The following GRM7 variants were observed in gnomAD, a reference collection of about 807,000 sequenced individuals.
GRM7 encodes metabotropic glutamate receptor 7.
A neutral mutation model predicts 84.5 loss-of-function variants in GRM7; 35 were observed. The observed-to-expected ratio is 0.41, with a 90% CI of 0.32 to 0.55. The LOEUF is 0.55. GRM7 is among the 20% of genes least tolerant of loss of function. The pLI is 0.19. For synonymous variants in GRM7, 487 were observed against 455.1 expected (o/e 1.07, Z -0.89); for missense variants, 1,003 against 1,194.6 (o/e 0.84, Z 2.36).
intron 2 of GRM7, among the ~76,000 whole-genome samples, chr3:7,193,954 TA>T (rs1484287455): frequency 6.6e-6 from 1 of 152,054 alleles, no homozygotes; most frequent in Non-Finnish European, 1.5e-5. Context: ...ACTTCAAGAT[TA>T]AAAATTATAA....
intron 4 of GRM7, among the ~76,000 whole-genome samples, chr3:7,338,287 C>T (rs967526581): frequency 9.9e-5 from 15 of 151,708 alleles, no homozygotes; most frequent in African/African-American, 3.4e-4. Flanking sequence ...TAAGAGGGAG[C>T]TAAGTTATGA....
At chr3:7,623,854 T>C (rs1485527683) in intron 8 of GRM7, among the ~76,000 whole-genome samples, 3 of 152,178 alleles carry the variant, frequency 2.0e-5, no homozygotes, top group African/African-American at 7.2e-5. Flanking sequence ...CAGGAGTTTA[T>C]TCTACAGAGA....
intron 7 of GRM7, among the ~76,000 whole-genome samples, chr3:7,521,864 A>C (rs1000117269): frequency 1.3e-5 from 2 of 152,260 alleles, no homozygotes; most frequent in Admixed American, 1.3e-4. Context: ...ATGCAAAATC[A>C]TTTATGGCTC....
At chr3:7,382,013 A>G (rs1448730525) in intron 4 of GRM7, among the ~76,000 whole-genome samples, 3 of 152,176 alleles carry the variant, frequency 2.0e-5, no homozygotes, top group Non-Finnish European at 4.4e-5. Context: ...TCCATGACCC[A>G]AAATGAGTTA....
chr3:7,527,126 A>C (rs1321663016), intron 7 of GRM7, among the ~76,000 whole-genome samples: 1 of 152,078 alleles, frequency 6.6e-6, no homozygotes, highest in Non-Finnish European at 1.5e-5. Flanking sequence ...CAGCATGAAC[A>C]TTTTAACAAT....
intron 8 of GRM7, among the ~76,000 whole-genome samples, chr3:7,668,654 G>A (rs928090299): frequency 6.6e-6 from 1 of 152,218 alleles, no homozygotes; most frequent in Non-Finnish European, 1.5e-5. Flanking sequence ...CATACTAGGG[G>A]AAGAAGAAAG....
rs1454973571 is a variant in GRM7, at chr3:7,415,175, C to A, written c.1174+12C>A. ...TCGCAAATGCACAGGTAATTTAATT[C>A]TCGTTGTCCTTCTCCTATTACTCTA... On this transcript the variant is annotated intron_variant, in intron 5 of 9. Coordinates refer to ENST00000357716, the MANE Select transcript of GRM7 (RefSeq NM_000844.4). 1 of 1,609,198 alleles carries A rather than the reference C, an allele frequency of 6.2e-7. No homozygotes were observed.
chr3:7,229,751 A>ATTTTTTTTT (rs1559514670), intron 2 of GRM7, among the ~76,000 whole-genome samples: 9 of 28,628 alleles, frequency 3.1e-4, no homozygotes, highest in African/African-American at 1.2e-3. Flanking sequence ...ATATATATAT[A>ATTTTTTTTT]TATATATATT....
chr3:7,360,137 CTGTGTGTGTGTG>C (rs58123164), intron 4 of GRM7, among the ~76,000 whole-genome samples: 5,626 of 136,016 alleles, frequency 0.041, 863 homozygotes, highest in African/African-American at 0.15. Flanking sequence ...TTTTTTCCCT[CTGTGTGTGTGTG>C]TGTGTGTGTG....
intron 8 of GRM7, among the ~76,000 whole-genome samples, chr3:7,658,679 A>G (rs529278853): frequency 1.3e-5 from 2 of 152,326 alleles, no homozygotes; most frequent in South Asian, 4.1e-4. Context: ...AAGTAGGAAT[A>G]ACATATCTTA....
At chr3:7,418,423 C>A (rs999846825) in intron 5 of GRM7, among the ~76,000 whole-genome samples, 1 of 152,144 alleles carries the variant, frequency 6.6e-6, no homozygotes, top group African/African-American at 2.4e-5. Context: ...GGATTAATGC[C>A]ATTCATGCTG....
At chr3:7,366,600 G>A (rs1693903201) in intron 4 of GRM7, among the ~76,000 whole-genome samples, 1 of 151,832 alleles carries the variant, frequency 6.6e-6, no homozygotes, top group South Asian at 2.1e-4. Context: ...TTATTTTTCT[G>A]TAAGTGCATA....
At chr3:7,535,694 C>G (rs572731350) in intron 7 of GRM7, among the ~76,000 whole-genome samples, 2 of 152,270 alleles carry the variant, frequency 1.3e-5, no homozygotes, top group Admixed American at 1.3e-4. Flanking sequence ...ACAGGGAGAC[C>G]AACAATTAAT....
At chr3:7,509,558 A>G (rs1036008040) in intron 7 of GRM7, among the ~76,000 whole-genome samples, 6 of 152,198 alleles carry the variant, frequency 3.9e-5, no homozygotes, top group Admixed American at 3.3e-4. Flanking sequence ...GGAACTAAGT[A>G]AGATCCAATC....
At chr3:7,513,592 TAA>T (rs1033682718) in intron 7 of GRM7, among the ~76,000 whole-genome samples, 15 of 152,216 alleles carry the variant, frequency 9.9e-5, no homozygotes, top group African/African-American at 3.6e-4. Flanking sequence ...TGTTTCAAAA[TAA>T]AAGAGTGGAC....
chr3:7,629,526 C>A (rs1369052122), intron 8 of GRM7, among the ~76,000 whole-genome samples: 1 of 152,128 alleles, frequency 6.6e-6, no homozygotes, highest in East Asian at 1.9e-4. Context: ...CATATTGGAT[C>A]AGGGCCCTAC....
chr3:7,732,561 C>G (rs974000039), intron 9 of GRM7, among the ~76,000 whole-genome samples: 5 of 152,104 alleles, frequency 3.3e-5, no homozygotes, highest in African/African-American at 1.2e-4. Flanking sequence ...AGGACATTAC[C>G]GAGAGGGAAA....
rs1427729468 is a variant in GRM7, at chr3:6,936,045, T to G, written c.519+74138T>G. Among the ~76,000 whole-genome samples, 3 of 152,174 alleles carry G rather than the reference T, an allele frequency of 2.0e-5. No individual in the cohort carries two copies. In the East Asian group the frequency reaches 5.8e-4, roughly 30 times the overall value. ...TTTCTAATGTGCTTGCTTGGAAGTCTCCCAGAGGCCTCTCCAGTGTCCAGC... is the reference window on the plus strand; with the variant it reads ...TTTCTAATGTGCTTGCTTGGAAGTCGCCCAGAGGCCTCTCCAGTGTCCAGC... On this transcript the variant is annotated intron_variant, in intron 1 of 9. Coordinates refer to ENST00000357716, the MANE Select transcript of GRM7 (RefSeq NM_000844.4).
chr3:7,076,423 A>G (rs191131708), intron 1 of GRM7, among the ~76,000 whole-genome samples: 3 of 152,194 alleles, frequency 2.0e-5, no homozygotes, highest in Non-Finnish European at 1.5e-5. Context: ...AGTTCTCAGA[A>G]GATTTAATGT....
Sources: allele counts gnomAD v4.1 joint callset (sites outside exome capture counted in the v4.1 genomes callset), GRCh38; gene constraint gnomAD v4.1.1; transcripts MANE v1.5; gene names NCBI Gene and HGNC (gene_info 2026-07-23, HGNC 2026-07-21).